The following LDB2 variants were observed in gnomAD, a reference collection of about 807,000 sequenced individuals.
LDB2 encodes LIM domain-binding protein 2.
In LDB2, 12 loss-of-function variants were observed where a neutral mutation model predicts 44.3. The observed-to-expected ratio is 0.27, with a 90% CI of 0.17 to 0.44. The LOEUF is 0.44. Ranked by LOEUF, LDB2 falls within the 20% of genes least tolerant of loss-of-function variation. The pLI is 1.00. For synonymous variants in LDB2, 164 were observed against 174.8 expected, an observed-to-expected ratio of 0.94 and a Z score of 0.49; for missense variants, 344 against 473.5, an observed-to-expected ratio of 0.73 and a Z score of 2.54.
At chr4:16,525,682 GA>G (rs1457461347) in intron 5 of LDB2, among the ~76,000 whole-genome samples, 2 of 152,128 alleles carry the variant, frequency 1.3e-5, no homozygotes, top group Non-Finnish European at 2.9e-5. Flanking sequence ...GCTCTTAAGG[GA>G]ACTGCATTTT....
chr4:16,637,299 A>ATTTTTTTTT (rs34484721), intron 2 of LDB2, among the ~76,000 whole-genome samples: 9 of 85,482 alleles, frequency 1.1e-4, no homozygotes, highest in African/African-American at 2.0e-4. Context: ...GCCTAGGCTG[A>ATTTTTTTTT]TTTTTTTTTT....
At chr4:16,866,729 T>C (rs1714828381) in intron 1 of LDB2, among the ~76,000 whole-genome samples, 1 of 152,162 alleles carries the variant, frequency 6.6e-6, no homozygotes, top group African/African-American at 2.4e-5. Context: ...TGATAAAACA[T>C]ACAAAAACGT....
intron 2 of LDB2, among the ~76,000 whole-genome samples, chr4:16,598,336 C>T (rs1271036002): frequency 6.6e-6 from 1 of 152,154 alleles, no homozygotes; most frequent in African/African-American, 2.4e-5. Context: ...GAAGCCCAAC[C>T]TAGCCATGTG....
In LDB2 at chr4:16,560,182, C is replaced by A. The variant is rs191700365; in HGVS notation, c.615+25740G>T. ...CTAGAAAAGCAAGAGCAAACACATT[C>A]AAAAGCTAGCAGAAGGCAAGAAATA... On this transcript the variant is annotated intron_variant, in intron 5 of 7. Coordinates refer to ENST00000304523, the MANE Select transcript of LDB2 (RefSeq NM_001290.5). Among the ~76,000 whole-genome samples, 535 of 152,256 alleles carry A rather than the reference C, an allele frequency of 3.5e-3. 1 individual carries two copies. Among genetic ancestry groups the A allele is most frequent in the Non-Finnish European group, 5.6e-3 (383 of 68,020 alleles).
chr4:16,756,925 C>T (rs1158564726), intron 2 of LDB2, among the ~76,000 whole-genome samples: 2 of 150,210 alleles, frequency 1.3e-5, no homozygotes, highest in South Asian at 2.1e-4. Flanking sequence ...GCTAAAATAT[C>T]TCTTATTATT....
At chr4:16,734,945 G>T (rs1156427972) in intron 2 of LDB2, among the ~76,000 whole-genome samples, 1 of 151,952 alleles carries the variant, frequency 6.6e-6, no homozygotes, top group African/African-American at 2.4e-5. Flanking sequence ...CTGACCTCAG[G>T]TGATCCACCC....
chr4:16,877,602 T>C lies in LDB2; in HGVS notation c.132+20752A>G, dbSNP rs145924840. 1.4e-4 allele frequency among the ~76,000 whole-genome samples: 21 copies of C among 152,346 alleles called. No homozygotes were observed. The East Asian group carries it at 4.1e-3, about 29-fold the overall frequency. ...AGAGATCCACAGAGAAATCAATTAC[T>C]TTCTGTATATTCCTAGAAGAAACCT... On this transcript the variant is annotated intron_variant, in intron 1 of 7. Transcript: ENST00000304523.
At chr4:16,738,073 T>A (rs1341769433) in intron 2 of LDB2, among the ~76,000 whole-genome samples, 1 of 152,182 alleles carries the variant, frequency 6.6e-6, no homozygotes, top group Non-Finnish European at 1.5e-5. Flanking sequence ...CACATTCTGT[T>A]TAGTAAATAA....
At chr4:16,589,774 C>T (rs1170794487) in intron 3 of LDB2, among the ~76,000 whole-genome samples, 1 of 152,034 alleles carries the variant, frequency 6.6e-6, no homozygotes, top group African/African-American at 2.4e-5. Context: ...CGATTTCTGC[C>T]TTAGGAAAGC....
intron 2 of LDB2, among the ~76,000 whole-genome samples, chr4:16,695,699 A>G (rs912021594): frequency 6.6e-6 from 1 of 152,210 alleles, no homozygotes; most frequent in African/African-American, 2.4e-5. Flanking sequence ...TTATAAAGCA[A>G]AAGCAGCCCT....
intron 5 of LDB2, among the ~76,000 whole-genome samples, chr4:16,552,062 G>T (rs1737877269): frequency 6.6e-6 from 1 of 151,892 alleles, no homozygotes; most frequent in Non-Finnish European, 1.5e-5. Context: ...AGGTCCCGGG[G>T]GTAGATTGTG....
intron 6 of LDB2, among the ~76,000 whole-genome samples, chr4:16,509,326 C>T (rs1312666320): frequency 3.3e-5 from 5 of 152,104 alleles, no homozygotes; most frequent in African/African-American, 7.2e-5. Context: ...ATAAATGCTA[C>T]TAATTCCAAA....
chr4:16,621,364 A>AT (rs1728825315), intron 2 of LDB2, among the ~76,000 whole-genome samples: 1 of 152,132 alleles, frequency 6.6e-6, no homozygotes, highest in Non-Finnish European at 1.5e-5. Context: ...AGCAAGGCAT[A>AT]GCCTATAGCA....
intron 1 of LDB2, 97 bp from the exon 2 acceptor site, chr4:16,759,357 T>C: frequency 4.6e-6 from 4 of 874,410 alleles, no homozygotes; most frequent in Non-Finnish European, 7.6e-6. Flanking sequence ...AGCTGCTCCT[T>C]GCTCATTACT....
chr4:16,855,727 G>A (rs1452833166), intron 1 of LDB2, among the ~76,000 whole-genome samples: 1 of 152,068 alleles, frequency 6.6e-6, no homozygotes, highest in Admixed American at 6.6e-5. Context: ...CTTTTCTGAT[G>A]AGACTGATGA....
chr4:16,833,967 C>T (rs1784484683), intron 1 of LDB2, among the ~76,000 whole-genome samples: 1 of 152,204 alleles, frequency 6.6e-6, no homozygotes, highest in South Asian at 2.1e-4. Context: ...ACCCAATGTC[C>T]ATGGTTCACT....
At chr4:16,645,833 T>C (rs539186693) in intron 2 of LDB2, among the ~76,000 whole-genome samples, 1 of 152,270 alleles carries the variant, frequency 6.6e-6, no homozygotes, top group South Asian at 2.1e-4. Context: ...TCTCAATGTT[T>C]TTGGTTGTAT....
Position 16,529,407 on chromosome 4 carries a change from G to T in LDB2, c.616-17303C>A, listed in dbSNP as rs1444609405. On this transcript the variant is annotated intron_variant, in intron 5 of 7. Coordinates refer to ENST00000304523, the MANE Select transcript of LDB2 (RefSeq NM_001290.5). ...AATGAATGAGGCAAACCACTGACAG[G>T]CCAGGTTGCAGGTGCAGCAGGGCCC... Among the ~76,000 whole-genome samples the T allele has an allele frequency of 3.3e-5, 5 of 152,248 alleles. No individual in the cohort carries two copies. The East Asian group carries it at 9.7e-4, about 29-fold the overall frequency.
In LDB2 at chr4:16,729,137, G is replaced by C. The variant is rs188011169; in HGVS notation, c.235+30021C>G. ...AGTCTTTGCCTCGCAGAAAACTTGA[G>C]TGCTTCCCTCTTTCTTAATTGTATT... On this transcript the variant is annotated intron_variant, in intron 2 of 7. Coordinates refer to ENST00000304523, the MANE Select transcript of LDB2 (RefSeq NM_001290.5). Among the ~76,000 whole-genome samples the C allele has an allele frequency of 2.5e-4, 38 of 152,334 alleles. No homozygotes were observed. In the East Asian group the frequency reaches 3.7e-3, roughly 15 times the overall value.
Sources: gnomAD v4.1 joint callset for allele counts (sites outside exome capture counted in the v4.1 genomes callset) on GRCh38, gnomAD v4.1.1 for gene constraint, MANE v1.5 for transcripts, NCBI Gene and HGNC (gene_info 2026-07-23, HGNC 2026-07-21) for gene names.